Variants in SLIT3 observed in about 807,000 individuals in gnomAD.
The protein encoded by SLIT3 is slit guidance ligand 3, also known as slit homolog 3 protein.
SLIT3 carries 68 observed loss-of-function variants against 184.0 expected under a neutral mutation model. The ratio of observed to expected loss-of-function variants is 0.37; its 90% CI spans 0.30 to 0.45. SLIT3 has a LOEUF of 0.45. SLIT3 is among the 20% of genes least tolerant of loss of function. The pLI, the probability that SLIT3 is intolerant of heterozygous loss-of-function variation, is 1.00. For missense variants in SLIT3, 1,707 were observed against 2,026.0 expected (o/e 0.84, Z 3.02); for synonymous variants, 831 against 828.6 (o/e 1.00, Z -0.05).
chr5:168,891,971 T>C (rs970062660), intron 4 of SLIT3, among the ~76,000 whole-genome samples: 25 of 152,218 alleles, frequency 1.6e-4, no homozygotes, highest in African/African-American at 5.8e-4. Flanking sequence ...TGCCAGCCAA[T>C]TGGATGCTTC....
chr5:169,290,443 G>A (rs143031094), intron 1 of SLIT3, among the ~76,000 whole-genome samples: 12 of 142,372 alleles, frequency 8.4e-5, no homozygotes, highest in Non-Finnish European at 1.8e-4. Flanking sequence ...ACTAGGTTGC[G>A]CACTAGGGCA....
chr5:168,820,312 G>A (rs528146359), intron 7 of SLIT3, among the ~76,000 whole-genome samples: 1 of 152,266 alleles, frequency 6.6e-6, no homozygotes, highest in East Asian at 1.9e-4. Context: ...TGTTCCTGAT[G>A]AATGGCCTGA....
intron 20 of SLIT3, among the ~76,000 whole-genome samples, chr5:168,734,125 C>T (rs948744403): frequency 6.6e-6 from 1 of 152,164 alleles, no homozygotes; most frequent in Non-Finnish European, 1.5e-5. Context: ...CAGACTTTAC[C>T]ACAACACAAT....
intron 4 of SLIT3, among the ~76,000 whole-genome samples, chr5:169,141,020 C>A (rs1761715561): frequency 1.3e-5 from 2 of 152,206 alleles, no homozygotes; most frequent in Admixed American, 6.5e-5. Context: ...TTCCTTTTCA[C>A]AATGCGATAA....
Position 169,280,006 on chromosome 5 carries a change from TCA to T in SLIT3, c.197+20505_197+20506del, listed in dbSNP as rs533112062. On this transcript the variant is annotated intron_variant, in intron 1 of 35. Coordinates refer to ENST00000519560, the MANE Select transcript of SLIT3 (RefSeq NM_003062.4). The stretch of plus-strand genomic sequence containing the variant: ...GGCAATCATCAATGCTACCTTCATT[TCA>T]CAGTGAGAAGCCTGAGACTCGGAGA... Among the ~76,000 whole-genome samples, 383 of 152,380 alleles carry T rather than the reference TCA, an allele frequency of 2.5e-3. 3 individuals carry two copies. The highest frequency in any genetic ancestry group is 8.9e-3 in the African/African-American group (371 of 41,598).
chr5:169,106,112 A>C (rs184241267), intron 4 of SLIT3, among the ~76,000 whole-genome samples: 225 of 152,248 alleles, frequency 1.5e-3, no homozygotes, highest in African/African-American at 5.2e-3. Context: ...CTTAATACCT[A>C]GGTGATGGGT....
At chr5:169,168,218 T>C (rs1762701307) in intron 4 of SLIT3, among the ~76,000 whole-genome samples, 1 of 152,248 alleles carries the variant, frequency 6.6e-6, no homozygotes, top group African/African-American at 2.4e-5. Context: ...ATGAAAACAG[T>C]TTCCAGAAAG....
At chr5:168,899,479 A>G (rs1001162759) in intron 4 of SLIT3, among the ~76,000 whole-genome samples, 1 of 152,084 alleles carries the variant, frequency 6.6e-6, no homozygotes, top group Admixed American at 6.6e-5. Context: ...ATGCCACTGC[A>G]CTCCAGCCTG....
intron 4 of SLIT3, among the ~76,000 whole-genome samples, chr5:168,938,633 T>C (rs1240441356): frequency 6.6e-6 from 1 of 152,174 alleles, no homozygotes; most frequent in Admixed American, 6.5e-5. Context: ...ACACAATGAT[T>C]ATTATTATTT....
In SLIT3 at chr5:168,733,879, T is replaced by C. The variant is rs79033243; in HGVS notation, c.2271-9395A>G. ...ATAAATAAGAATGAAATCCTGTCTT[T>C]TGCAGCAATGTGGATGGAACTGGAG... On this transcript the variant is annotated intron_variant, in intron 20 of 35. Coordinates refer to ENST00000519560, the MANE Select transcript of SLIT3 (RefSeq NM_003062.4). 5.0e-3 allele frequency among the ~76,000 whole-genome samples: 761 copies of C among 152,292 alleles called. 19 individuals are homozygous for C. The East Asian group carries it at 0.065, about 13-fold the overall frequency.
In SLIT3 at chr5:168,984,809, A is replaced by T. The variant is rs1755070376; in HGVS notation, c.414-101473T>A. On this transcript the variant is annotated intron_variant, in intron 4 of 35. Coordinates refer to ENST00000519560, the MANE Select transcript of SLIT3 (RefSeq NM_003062.4). ...TGGATACATCACAGAAAAACATCCC[A>T]AACTTTAGTGGCCTTATCAACCCAG... 1.3e-5 allele frequency among the ~76,000 whole-genome samples: 2 copies of T among 152,188 alleles called. 1 individual carries two copies. Among genetic ancestry groups the T allele is most frequent in the Admixed American group, 1.3e-4 (2 of 15,270 alleles).
chr5:168,968,227 C>T (rs1763284008), intron 4 of SLIT3, among the ~76,000 whole-genome samples: 1 of 152,194 alleles, frequency 6.6e-6, no homozygotes, highest in South Asian at 2.1e-4. Flanking sequence ...CTTAGCGCCC[C>T]CCTCTCCTCC....
intron 4 of SLIT3, among the ~76,000 whole-genome samples, chr5:169,103,594 C>T (rs1485034574): frequency 6.6e-6 from 1 of 152,222 alleles, no homozygotes; most frequent in Non-Finnish European, 1.5e-5. Context: ...ATTAAGTTCC[C>T]TGTCTCAAAG....
chr5:168,864,667 T>C (rs1207647839), intron 5 of SLIT3, among the ~76,000 whole-genome samples: 1 of 152,172 alleles, frequency 6.6e-6, no homozygotes, highest in African/African-American at 2.4e-5. Flanking sequence ...TACCAAGAAC[T>C]CAAGAACTCT....
intron 12 of SLIT3, among the ~76,000 whole-genome samples, chr5:168,777,127 A>G (rs1243989349): frequency 6.6e-6 from 1 of 150,990 alleles, no homozygotes; most frequent in Non-Finnish European, 1.5e-5. Context: ...ACACCACACC[A>G]CATCAAATTT....
At chr5:168,870,367 G>A (rs1448341924) in intron 5 of SLIT3, among the ~76,000 whole-genome samples, 2 of 152,148 alleles carry the variant, frequency 1.3e-5, no homozygotes, top group Non-Finnish European at 2.9e-5. Context: ...CCAGTCCCAA[G>A]GATATCTGGA....
At chr5:168,911,626 T>C (rs1375600193) in intron 4 of SLIT3, among the ~76,000 whole-genome samples, 1 of 152,190 alleles carries the variant, frequency 6.6e-6, no homozygotes, top group African/African-American at 2.4e-5. Context: ...CCCTTCTAAA[T>C]AATTCCAGTC....
At chr5:169,194,821 C>T (rs1763687916) in intron 3 of SLIT3, among the ~76,000 whole-genome samples, 1 of 152,142 alleles carries the variant, frequency 6.6e-6, no homozygotes, top group Non-Finnish European at 1.5e-5. Context: ...AGAAAGGCTA[C>T]CTGAGTTTTT....
intron 4 of SLIT3, among the ~76,000 whole-genome samples, chr5:169,034,938 TG>T (rs1757178185): frequency 4.0e-5 from 6 of 150,536 alleles, no homozygotes; most frequent in African/African-American, 1.2e-4. Flanking sequence ...TGTGTGTGTG[TG>T]TGTGTGTGTG....
Sources: allele counts gnomAD v4.1 joint callset (sites outside exome capture counted in the v4.1 genomes callset), GRCh38; gene constraint gnomAD v4.1.1; transcripts MANE v1.5; gene names NCBI Gene and HGNC (gene_info 2026-07-23, HGNC 2026-07-21).